The following NOL4L variants were observed in gnomAD, a reference collection of about 807,000 sequenced individuals.
The protein encoded by NOL4L is nucleolar protein 4 like.
NOL4L carries 7 observed loss-of-function variants against 64.5 expected under a neutral mutation model. The observed-to-expected ratio is 0.11, with a 90% CI of 0.06 to 0.20. The LOEUF is 0.20. NOL4L is among the 10% of genes least tolerant of loss of function. NOL4L has a pLI of 1.00. For synonymous variants in NOL4L, 413 were observed against 401.0 expected (o/e 1.03, Z -0.36); for missense variants, 680 against 967.1 (o/e 0.70, Z 3.94).
intron 5 of NOL4L, among the ~76,000 whole-genome samples, chr20:32,471,185 C>T (rs1187556037): frequency 6.6e-5 from 10 of 151,954 alleles, no homozygotes; most frequent in Non-Finnish European, 1.5e-4. Context: ...AGCTGTGGCA[C>T]CCGCACAACT....
At chr20:32,481,073 C>A (rs928612070) in intron 4 of NOL4L, among the ~76,000 whole-genome samples, 2 of 152,236 alleles carry the variant, frequency 1.3e-5, no homozygotes, top group Admixed American at 6.5e-5. Context: ...CACTCACTCA[C>A]ACGCACACTG....
At chr20:32,513,255 C>A (rs1412015215) in intron 3 of NOL4L, among the ~76,000 whole-genome samples, 4 of 152,180 alleles carry the variant, frequency 2.6e-5, no homozygotes, top group Non-Finnish European at 4.4e-5. Context: ...CAGAGGATAT[C>A]CGGGGGTGAC....
chr20:32,536,366 A>C, intron 1 of NOL4L: 1 of 963,686 alleles, frequency 1.0e-6, no homozygotes, highest in Non-Finnish European at 1.2e-6. Context: ...GGCCCCACCC[A>C]GGGCCGGGGG....
intron 3 of NOL4L, among the ~76,000 whole-genome samples, chr20:32,513,896 CT>C (rs1467395564): frequency 6.6e-6 from 1 of 152,126 alleles, no homozygotes; most frequent in African/African-American, 2.4e-5. Context: ...AGTTTTTGTG[CT>C]GTAAATGTTT....
intron 3 of NOL4L, among the ~76,000 whole-genome samples, chr20:32,518,376 G>A (rs1414030655): frequency 6.6e-6 from 1 of 152,252 alleles, no homozygotes; most frequent in African/African-American, 2.4e-5. Context: ...GGGTGTGGTG[G>A]TGGCAGCCAG....
chr20:32,461,411 CCTTT>C (rs1555790259), intron 5 of NOL4L, among the ~76,000 whole-genome samples: 2 of 106,590 alleles, frequency 1.9e-5, no homozygotes, highest in Non-Finnish European at 1.7e-5. Flanking sequence ...GACCCCTCTA[CCTTT>C]CTTTTCTTTT....
chr20:32,566,653 T>C (rs6058742), intron 1 of NOL4L, among the ~76,000 whole-genome samples: 32,080 of 151,996 alleles, frequency 0.21, 6,489 homozygotes, highest in African/African-American at 0.53. Context: ...CCAATTCCCG[T>C]ATAATTTGCT....
At chr20:32,561,782 A>C (rs1979035796) in intron 1 of NOL4L, among the ~76,000 whole-genome samples, 1 of 152,120 alleles carries the variant, frequency 6.6e-6, no homozygotes, top group African/African-American at 2.4e-5. Flanking sequence ...AATGGGGAGG[A>C]CCTAAAAGGG....
Position 32,584,564 on chromosome 20 carries a change from A to T in NOL4L, c.321+6T>A. 9.3e-7 allele frequency: 1 copy of T among 1,077,944 alleles called. No individual in the cohort carries two copies. The highest frequency in any genetic ancestry group is 1.1e-4 in the East Asian group (1 of 9,342). The allele number at this position is 1,077,944 out of a possible 1,614,324, so 66.8% of individuals were successfully genotyped here. A position where few individuals can be genotyped will look rare whatever the true frequency, so the allele number is the denominator to read the frequency against. ...ACCCGCCCGCGGCCGCCGCGCGCGC[A>T]CTCACCGAGCCCGTCTTGACCGGCA... On this transcript the variant is annotated splice_donor_region_variant and intron_variant, in intron 1 of 10. Coordinates refer to ENST00000621426, the MANE Select transcript of NOL4L (RefSeq NM_001256798.2).
Position 32,452,974 on chromosome 20 carries a change from G to A in NOL4L, c.1530C>T (p.Ala510=). 1 of 1,613,940 alleles carries A rather than the reference G, an allele frequency of 6.2e-7. No individual in the cohort carries two copies. Among genetic ancestry groups the A allele is most frequent in the Non-Finnish European group, 8.5e-7 (1 of 1,180,014 alleles). The change falls in exon 9 of 11, where the codon GCC becomes GCT. Residue 510 remains alanine (A), a synonymous_variant. Coordinates refer to ENST00000621426, the MANE Select transcript of NOL4L (RefSeq NM_001256798.2). ...CAGCTGCCAGGATGTTTTCTGCCAT[G>A]GCCGAGGTCAGATGGGGTGGCGTGG... ...TRPTPPHLTS[A]MAENILAAAC...
At chr20:32,492,964 C>T (rs943120756) in intron 4 of NOL4L, among the ~76,000 whole-genome samples, 34 of 152,276 alleles carry the variant, frequency 2.2e-4, no homozygotes, top group Middle Eastern at 3.4e-3. Flanking sequence ...CGTGGTGCTG[C>T]GCTTCACCGA....
At chr20:32,498,364 T>C (rs1030585160) in intron 4 of NOL4L, among the ~76,000 whole-genome samples, 57 of 151,944 alleles carry the variant, frequency 3.8e-4, no homozygotes, top group African/African-American at 1.4e-3. Context: ...GCAAAAATAA[T>C]GTCCCATAAC....
intron 1 of NOL4L, among the ~76,000 whole-genome samples, chr20:32,549,043 C>T (rs1038762111): frequency 6.6e-6 from 1 of 152,084 alleles, no homozygotes; most frequent in Non-Finnish European, 1.5e-5. Context: ...TTTGTGACCC[C>T]GGATTAGGCA....
In NOL4L at chr20:32,464,477, C is replaced by T. The variant is rs772833048; in HGVS notation, c.842-8082G>A. Among the ~76,000 whole-genome samples the T allele has an allele frequency of 6.6e-6, 1 of 152,234 alleles. No individual in the cohort carries two copies. The highest frequency in any genetic ancestry group is 1.5e-5 in the Non-Finnish European group (1 of 68,034). ...CTGTGGTTCACACAGCCTGGCCCGGCCCCAGCCACGGAGCAGGGAGCCCAT... is the reference window on the plus strand; with the variant it reads ...CTGTGGTTCACACAGCCTGGCCCGGTCCCAGCCACGGAGCAGGGAGCCCAT... On this transcript the variant is annotated intron_variant, in intron 5 of 10. Coordinates refer to ENST00000621426, the MANE Select transcript of NOL4L (RefSeq NM_001256798.2). This position sits in a 1 kb window ranked among gnomAD's most constrained non-coding sequence, Gnocchi z 5.6.
chr20:32,535,965 A>G, intron 1 of NOL4L: 1 of 985,730 alleles, frequency 1.0e-6, no homozygotes, highest in Non-Finnish European at 1.2e-6. Flanking sequence ...GAGGGTCCAC[A>G]GGAGGGTGCT....
intron 3 of NOL4L, among the ~76,000 whole-genome samples, chr20:32,513,061 G>A (rs1398987710): frequency 6.6e-6 from 1 of 152,118 alleles, no homozygotes; most frequent in African/African-American, 2.4e-5. Flanking sequence ...AGGACTTCAG[G>A]CCAGATTCAT....
At chr20:32,550,607 C>A (rs569541174) in intron 1 of NOL4L, among the ~76,000 whole-genome samples, 1 of 152,108 alleles carries the variant, frequency 6.6e-6, no homozygotes, top group African/African-American at 2.4e-5. Context: ...AGTGGCCGGG[C>A]GCAGTGGCTC....
At chr20:32,523,892 C>G (rs2018033485) in intron 2 of NOL4L, among the ~76,000 whole-genome samples, 3 of 152,220 alleles carry the variant, frequency 2.0e-5, no homozygotes, top group Admixed American at 2.0e-4. Context: ...CCCCATTTCA[C>G]TCCCCAACTC....
In NOL4L at chr20:32,537,092, G is replaced by T. The variant is rs1008297335; in HGVS notation, c.322-9179C>A. On this transcript the variant is annotated intron_variant, in intron 1 of 10. Coordinates refer to ENST00000621426, the MANE Select transcript of NOL4L (RefSeq NM_001256798.2). ...CCGGGACGCTGCCCACCTGTCCTTT[G>T]TGCAGGGCGGTACCATTCGATCTTG... 12 of 985,022 alleles carry T rather than the reference G, an allele frequency of 1.2e-5. No homozygotes were observed. The South Asian group carries it at 5.6e-4, about 46-fold the overall frequency. 61.0% of individuals were successfully genotyped at this position (985,022 alleles called of 1,614,324 possible).
Sources: gnomAD v4.1 joint callset for allele counts (sites outside exome capture counted in the v4.1 genomes callset) on GRCh38, gnomAD v4.1.1 for gene constraint, Gnocchi (gnomAD v3.1) non-coding constraint, MANE v1.5 for transcripts, NCBI Gene and HGNC (gene_info 2026-07-23, HGNC 2026-07-21) for gene names.